LARP1B: variants seen among roughly 807,000 people sequenced by gnomAD.
LARP1B encodes La ribonucleoprotein 1B, also known as la-related protein 1B.
Under a neutral mutation model 114.2 loss-of-function variants are expected in LARP1B, and 76 were observed. The ratio of observed to expected loss-of-function variants is 0.67; its 90% CI spans 0.55 to 0.81. The LOEUF (loss-of-function observed/expected upper bound fraction) is 0.81, where lower values mean the gene tolerates loss of function less well. Ranked by LOEUF, LARP1B falls within the 30% of genes least tolerant of loss-of-function variation. The pLI is 0.00. For missense variants in LARP1B, 1,014 were observed against 1,075.8 expected, an observed-to-expected ratio of 0.94 and a Z score of 0.80; for synonymous variants, 345 against 348.0, an observed-to-expected ratio of 0.99 and a Z score of 0.10.
chr4:128,122,458 TG>T lies in LARP1B; in HGVS notation c.1524+271del, dbSNP rs745870387. 3.4e-4 allele frequency: 508 copies of T among 1,503,134 alleles called. 2 individuals carry two copies. The highest frequency in any genetic ancestry group is 2.0e-3 in the East Asian group (79 of 39,328). The allele number at this position is 1,503,134 out of a possible 1,614,324, so 93.1% of individuals were successfully genotyped here. ...CCCTTGTTTTTTTTTTTTTTTGTTTTGTTTTTTTTTGTTTTTGTTTTAGGTG... is the reference window on the plus strand; with the variant it reads ...CCCTTGTTTTTTTTTTTTTTTGTTTTTTTTTTTTTGTTTTTGTTTTAGGTG... On this transcript the variant is annotated intron_variant, in intron 11 of 19. Transcript: ENST00000326639.
intron 11 of LARP1B, among the ~76,000 whole-genome samples, chr4:128,151,320 T>C (rs1418601711): frequency 6.6e-6 from 1 of 152,206 alleles, no homozygotes; most frequent in Admixed American, 6.5e-5. Flanking sequence ...AGTTTAACAT[T>C]GATAGAATGC....
chr4:128,190,020 T>C (rs1751712163), intron 15 of LARP1B, among the ~76,000 whole-genome samples: 1 of 152,246 alleles, frequency 6.6e-6, no homozygotes, highest in African/African-American at 2.4e-5. Flanking sequence ...ACCAGTGAGT[T>C]TTATACCTTC....
At chr4:128,168,153 C>G (rs1042037695) in intron 12 of LARP1B, among the ~76,000 whole-genome samples, 3 of 151,978 alleles carry the variant, frequency 2.0e-5, no homozygotes, top group African/African-American at 7.2e-5. Flanking sequence ...TTGGATCATA[C>G]AGTAAGTATA....
chr4:128,132,345 A>G (rs1296963766), intron 11 of LARP1B, among the ~76,000 whole-genome samples: 4 of 152,024 alleles, frequency 2.6e-5, no homozygotes, highest in Non-Finnish European at 5.9e-5. Flanking sequence ...CTCGGGTTCA[A>G]GTGATTCTCC....
At position 128,157,241 on chromosome 4, in the gene LARP1B, A is replaced by G. The variant is rs952222334; in HGVS notation, c.1525-4953A>G. Among the ~76,000 whole-genome samples the G allele has an allele frequency of 7.2e-5, 11 of 152,318 alleles. No homozygotes were observed. In the East Asian group the frequency reaches 2.1e-3, roughly 29 times the overall value. Reference sequence around the variant, plus strand: ...ATACAAAATATGATAATCAAGTGCAATGGGTAGGCTTAATAGTAGATCAGG... The same window carrying G: ...ATACAAAATATGATAATCAAGTGCAGTGGGTAGGCTTAATAGTAGATCAGG... On this transcript the variant is annotated intron_variant, in intron 11 of 19. Transcript: ENST00000326639.
chr4:128,075,141 C>T lies in LARP1B; in HGVS notation c.42+148C>T, dbSNP rs752633445. On this transcript the variant is annotated intron_variant, in intron 3 of 19. Transcript: ENST00000326639. ...TTTTTGAGACAGGGTCTTGCTCTGT[C>T]TCCAGGCTGGAGTGCAGTGGTGTGA... 285 of 622,638 alleles carry T rather than the reference C, an allele frequency of 4.6e-4. 2 individuals are homozygous for T. The highest frequency in any genetic ancestry group is 4.3e-4 in the Non-Finnish European group (152 of 355,468). 38.6% of individuals were successfully genotyped at this position (622,638 alleles called of 1,614,324 possible).
chr4:128,069,425 A>G lies in LARP1B; in HGVS notation c.-77-5035A>G, dbSNP rs1764323762. The G allele has an allele frequency of 3.9e-6, 3 of 760,718 alleles. No homozygotes were observed. In the Admixed American group the frequency reaches 5.1e-5, roughly 13 times the overall value. The allele number at this position is 760,718 out of a possible 1,614,324, so 47.1% of individuals were successfully genotyped here. Reference sequence around the variant, plus strand: ...TAGGAACTGGGTGCTTTCGGCCACCATGGCGAACACGAATCCTATATATAA... The same window carrying G: ...TAGGAACTGGGTGCTTTCGGCCACCGTGGCGAACACGAATCCTATATATAA... On this transcript the variant is annotated intron_variant, in intron 1 of 19. Transcript: ENST00000326639.
At chr4:128,107,065 T>A (rs556021442) in intron 8 of LARP1B, 74 bp from the exon 9 acceptor site, 21 of 1,301,224 alleles carry the variant, frequency 1.6e-5, no homozygotes, top group Non-Finnish European at 1.1e-6. Context: ...GGTTTTCAAA[T>A]TTTTAGGTTC....
At chr4:128,198,852 G>A (rs1239538821) in intron 15 of LARP1B, among the ~76,000 whole-genome samples, 1 of 152,176 alleles carries the variant, frequency 6.6e-6, no homozygotes, top group Non-Finnish European at 1.5e-5. Context: ...GAAGAGGAAG[G>A]TCTAAATTTG....
At chr4:128,208,624 G>A (rs539370250) in intron 19 of LARP1B, among the ~76,000 whole-genome samples, 3 of 152,224 alleles carry the variant, frequency 2.0e-5, no homozygotes, top group African/African-American at 4.8e-5. Context: ...TAAGTACAAC[G>A]GAAGATTGGA....
At chr4:128,068,251 C>T (rs140980313) in intron 1 of LARP1B, among the ~76,000 whole-genome samples, 193 of 151,966 alleles carry the variant, frequency 1.3e-3, no homozygotes, top group African/African-American at 4.4e-3. Context: ...TTCTGGACCT[C>T]AGATGATTGA....
intron 4 of LARP1B, among the ~76,000 whole-genome samples, chr4:128,080,136 C>A (rs533402939): frequency 1.3e-5 from 2 of 152,020 alleles, no homozygotes; most frequent in African/African-American, 4.8e-5. Context: ...AGGCACCACA[C>A]CCAGCTAATT....
At chr4:128,119,826 A>C (rs996139145) in intron 10 of LARP1B, among the ~76,000 whole-genome samples, 1 of 152,058 alleles carries the variant, frequency 6.6e-6, no homozygotes, top group African/African-American at 2.4e-5. Context: ...ATTGATGTGG[A>C]TTTATTGTTT....
intron 12 of LARP1B, among the ~76,000 whole-genome samples, chr4:128,165,022 A>G (rs898691094): frequency 2.0e-5 from 3 of 152,166 alleles, no homozygotes; most frequent in African/African-American, 7.2e-5. Context: ...AAGCTAGAAC[A>G]AAGAAGTTCA....
intron 5 of LARP1B, among the ~76,000 whole-genome samples, chr4:128,086,019 T>C (rs1561130007): frequency 6.9e-6 from 1 of 145,962 alleles, no homozygotes. Flanking sequence ...CTTTTTTTTT[T>C]TTTTTTTTTT....
chr4:128,122,651 G>A, intron 11 of LARP1B: 3 of 1,435,220 alleles, frequency 2.1e-6, no homozygotes, highest in Non-Finnish European at 2.7e-6. Flanking sequence ...CTTAGTCTAT[G>A]GTGCATGATC....
intron 1 of LARP1B, among the ~76,000 whole-genome samples, chr4:128,072,048 G>T (rs1765575039): frequency 6.6e-6 from 1 of 151,970 alleles, no homozygotes; most frequent in African/African-American, 2.4e-5. Flanking sequence ...TCCTCAGGCT[G>T]GAGTGTGGTG....
At chr4:128,207,720 T>C (rs995250853) in intron 19 of LARP1B, among the ~76,000 whole-genome samples, 2 of 152,244 alleles carry the variant, frequency 1.3e-5, no homozygotes, top group Non-Finnish European at 2.9e-5. Context: ...TTTTTAATGA[T>C]CTTTTATCCA....
chr4:128,132,337 C>T (rs1405960780), intron 11 of LARP1B, among the ~76,000 whole-genome samples: 1 of 152,000 alleles, frequency 6.6e-6, no homozygotes, highest in African/African-American at 2.4e-5. Flanking sequence ...CTCTGTCTCT[C>T]GGGTTCAAGT....
Sources: allele counts gnomAD v4.1 joint callset (sites outside exome capture counted in the v4.1 genomes callset), GRCh38; gene constraint gnomAD v4.1.1; transcripts MANE v1.5; gene names NCBI Gene and HGNC (gene_info 2026-07-23, HGNC 2026-07-21).